Variants in PARPBP observed in about 807,000 individuals in gnomAD.
PARPBP encodes PARP1 binding protein.
PARPBP carries 52 observed loss-of-function variants against 50.0 expected under a neutral mutation model. The observed-to-expected ratio is 1.04, with a 90% CI of 0.83 to 1.31. The LOEUF (loss-of-function observed/expected upper bound fraction) is 1.31, where lower values mean the gene tolerates loss of function less well. PARPBP is among the 50% of genes most tolerant of loss of function. The pLI, the probability that PARPBP is intolerant of heterozygous loss-of-function variation, is 0.00. For synonymous variants in PARPBP, 244 were observed against 232.1 expected, an observed-to-expected ratio of 1.05 and a Z score of -0.47; for missense variants, 697 against 672.0, an observed-to-expected ratio of 1.04 and a Z score of -0.41.
chr12:102,190,363 G>T (rs1335748815), intron 9 of PARPBP, among the ~76,000 whole-genome samples: 1 of 151,916 alleles, frequency 6.6e-6, no homozygotes, highest in African/African-American at 2.4e-5. Flanking sequence ...TACATCAGTG[G>T]AAAAAAACAG....
rs753282327 is a variant in PARPBP, at chr12:102,182,763, G to T, written c.1263+136G>T. ...ACAGTAGGAATTAAATGGAAAATGA[G>T]TTATGACAGTTGACGTACAGAGACT... On this transcript the variant is annotated intron_variant, in intron 9 of 10. Transcript: ENST00000327680. 2.6e-5 allele frequency: 17 copies of T among 666,626 alleles called. 1 individual carries two copies. The South Asian group carries it at 3.2e-4, about 13-fold the overall frequency. The allele number at this position is 666,626 out of a possible 1,614,324, so 41.3% of individuals were successfully genotyped here. A position where few individuals can be genotyped will look rare whatever the true frequency, so the allele number is the denominator to read the frequency against.
intron 9 of PARPBP, among the ~76,000 whole-genome samples, chr12:102,184,547 A>G (rs1304767808): frequency 6.6e-6 from 1 of 152,200 alleles, no homozygotes; most frequent in Non-Finnish European, 1.5e-5. Flanking sequence ...CTTATCCAAG[A>G]TCTCATAACT....
intron 7 of PARPBP, among the ~76,000 whole-genome samples, chr12:102,176,181 A>T (rs540359399): frequency 3.3e-5 from 5 of 152,108 alleles, no homozygotes; most frequent in South Asian, 4.2e-4. Flanking sequence ...ATGGGGTTTC[A>T]CTATGTTGGC....
intron 4 of PARPBP, among the ~76,000 whole-genome samples, chr12:102,160,929 CAA>C (rs1887507897): frequency 1.3e-5 from 2 of 148,152 alleles, no homozygotes; most frequent in South Asian, 2.1e-4. Flanking sequence ...GCCTGGGCAA[CAA>C]GAGGGAAACA....
chr12:102,121,662 T>G (rs912183652), intron 1 of PARPBP, among the ~76,000 whole-genome samples: 10 of 148,780 alleles, frequency 6.7e-5, no homozygotes, highest in African/African-American at 2.2e-4. Flanking sequence ...CAAGCGATTC[T>G]CCTGTCTCAG....
intron 6 of PARPBP, 31 bp downstream of exon 6, chr12:102,165,914 T>G (rs1888095550): frequency 2.2e-6 from 3 of 1,356,532 alleles, no homozygotes; most frequent in Non-Finnish European, 3.1e-6. Flanking sequence ...ACAAATATGT[T>G]TTTAATCTAT....
intron 4 of PARPBP, chr12:102,155,419 C>T (rs1055710994): frequency 1.6e-4 from 24 of 152,270 alleles, no homozygotes; most frequent in Middle Eastern, 3.4e-3. Context: ...TTTCCTAGGC[C>T]GACTAAGGAT....
At chr12:102,165,607 C>A in intron 5 of PARPBP, 122 bp from the exon 6 acceptor site, 2 of 719,184 alleles carry the variant, frequency 2.8e-6, no homozygotes, top group Non-Finnish European at 4.7e-6. Flanking sequence ...TGTCATGAGC[C>A]ATAAAATGTG....
chr12:102,122,238 G>A (rs902542161), intron 1 of PARPBP, among the ~76,000 whole-genome samples: 1 of 152,120 alleles, frequency 6.6e-6, no homozygotes, highest in African/African-American at 2.4e-5. Flanking sequence ...TCTTTCAAGA[G>A]ATGAGGGTGA....
intron 7 of PARPBP, among the ~76,000 whole-genome samples, chr12:102,177,904 C>T (rs570155428): frequency 1.3e-5 from 2 of 152,216 alleles, no homozygotes; most frequent in African/African-American, 4.8e-5. Context: ...TCTCTTCTTC[C>T]TCTGGGTGCC....
chr12:102,189,710 G>A (rs2137286065), intron 9 of PARPBP, among the ~76,000 whole-genome samples: 1 of 152,210 alleles, frequency 6.6e-6, no homozygotes, highest in South Asian at 2.1e-4. Context: ...GAGAATGTGT[G>A]TAGGGTAGTT....
Position 102,196,501 on chromosome 12 carries a change from A to G in PARPBP, c.*210A>G, listed in dbSNP as rs2137673227. ...AAAGTTTAATGCACAGAGAAAGCATATCATTTCAGTTACTGATACATCTTA... is the reference window on the plus strand; with the variant it reads ...AAAGTTTAATGCACAGAGAAAGCATGTCATTTCAGTTACTGATACATCTTA... On this transcript the variant is annotated 3_prime_UTR_variant, in exon 11 of 11. Coordinates refer to ENST00000327680, the MANE Select transcript of PARPBP (RefSeq NM_017915.5). The G allele has an allele frequency of 4.0e-6, 3 of 747,634 alleles. No homozygotes were observed. In the South Asian group the frequency reaches 5.0e-5, roughly 12 times the overall value. 46.3% of individuals were successfully genotyped at this position (747,634 alleles called of 1,614,324 possible). A position where few individuals can be genotyped will look rare whatever the true frequency, so the allele number is the denominator to read the frequency against.
At chr12:102,121,814 A>G (rs1594415508) in intron 1 of PARPBP, among the ~76,000 whole-genome samples, 1 of 152,088 alleles carries the variant, frequency 6.6e-6, no homozygotes, top group Non-Finnish European at 1.5e-5. Context: ...TGGGATTACA[A>G]GTGTGAACCA....
At chr12:102,177,616 T>C (rs992907423) in intron 7 of PARPBP, among the ~76,000 whole-genome samples, 2 of 152,196 alleles carry the variant, frequency 1.3e-5, no homozygotes, top group African/African-American at 4.8e-5. Context: ...TTCTAAACTG[T>C]TCTATTATAG....
chr12:102,158,056 G>A (rs1260221969), intron 4 of PARPBP, among the ~76,000 whole-genome samples: 1 of 147,252 alleles, frequency 6.8e-6, no homozygotes, highest in African/African-American at 2.5e-5. Flanking sequence ...GGAGGCGGGA[G>A]CTTGCAGTGA....
At position 102,197,163 on chromosome 12, in the gene PARPBP, G is replaced by A. The variant is rs199733973; in HGVS notation, c.*872G>A. ...CATGATTTAAGAAATTATGTTTGGA[G>A]CCTGTGTTCTGTAAAGAGAAGGTTG... On this transcript the variant is annotated 3_prime_UTR_variant, in exon 11 of 11. Transcript: ENST00000327680. 1.0e-4 allele frequency: 164 copies of A among 1,610,928 alleles called. 3 individuals carry two copies. The East Asian group carries it at 3.6e-3, about 35-fold the overall frequency.
chr12:102,154,784 C>G (rs763444708), intron 4 of PARPBP: 7 of 436,704 alleles, frequency 1.6e-5, no homozygotes, highest in Non-Finnish European at 3.2e-5. Flanking sequence ...GGAAAATTTG[C>G]GTTTGTAAAG....
At chr12:102,126,011 G>A (rs1353194725) in intron 2 of PARPBP, among the ~76,000 whole-genome samples, 1 of 152,192 alleles carries the variant, frequency 6.6e-6, no homozygotes, top group Non-Finnish European at 1.5e-5. Context: ...AGATTACCCA[G>A]AGAGATAAGC....
At chr12:102,151,844 C>A in intron 3 of PARPBP, 1 of 1,354,136 alleles carries the variant, frequency 7.4e-7, no homozygotes, top group Non-Finnish European at 1.0e-6. Flanking sequence ...ATTGAAGAAG[C>A]CACCTGGCAC....
Sources: allele counts gnomAD v4.1 joint callset (sites outside exome capture counted in the v4.1 genomes callset), GRCh38; gene constraint gnomAD v4.1.1; transcripts MANE v1.5; gene names NCBI Gene and HGNC (gene_info 2026-07-23, HGNC 2026-07-21).